The following MALRD1 variants were observed in gnomAD, a reference collection of about 807,000 sequenced individuals.
The protein encoded by MALRD1 is MAM and LDL receptor class A domain containing 1, also known as MAM and LDL-receptor class A domain-containing protein 1.
Under a neutral mutation model 242.1 loss-of-function variants are expected in MALRD1, and 247 were observed. The ratio of observed to expected loss-of-function variants is 1.02; its 90% CI spans 0.92 to 1.13. MALRD1 has a LOEUF of 1.13. MALRD1 is among the 50% of genes most tolerant of loss of function. The probability of loss-of-function intolerance (pLI) is 0.00; values close to 1 mark genes in which losing one functional copy is unlikely to be tolerated. For missense variants in MALRD1, 2,989 were observed against 2,533.1 expected (o/e 1.18, Z -3.86); for synonymous variants, 995 against 866.6 (o/e 1.15, Z -2.60).
At chr10:19,085,486 A>T (rs1481842386) in intron 2 of MALRD1, among the ~76,000 whole-genome samples, 1 of 151,998 alleles carries the variant, frequency 6.6e-6, no homozygotes, top group African/African-American at 2.4e-5. Flanking sequence ...TTTTTTCCCC[A>T]TACAAAGAAA....
At position 19,165,633 on chromosome 10, in the gene MALRD1, A is replaced by G. The variant is rs1356799836; in HGVS notation, c.1657-4A>G. 7 of 1,231,044 alleles carry G rather than the reference A, an allele frequency of 5.7e-6. No individual in the cohort carries two copies. The highest frequency in any genetic ancestry group is 7.1e-6 in the Non-Finnish European group (7 of 987,386). 76.3% of individuals were successfully genotyped at this position (1,231,044 alleles called of 1,614,324 possible). On this transcript the variant is annotated splice_region_variant and splice_polypyrimidine_tract_variant and intron_variant, in intron 12 of 39. Coordinates refer to ENST00000454679, the MANE Select transcript of MALRD1 (RefSeq NM_001142308.3). ...TTATATCATTGAAAACATGTTTTCA[A>G]CAGGTGCAGTTTTGGTATCATTTGT... is the stretch of plus-strand genomic sequence containing the variant.
At chr10:19,676,796 G>A (rs1237669184) in intron 36 of MALRD1, among the ~76,000 whole-genome samples, 4 of 152,046 alleles carry the variant, frequency 2.6e-5, no homozygotes, top group South Asian at 2.1e-4. Flanking sequence ...CCTGGCATGC[G>A]TTAGCTGTTT....
At chr10:19,671,822 CA>C (rs1841934192) in intron 36 of MALRD1, among the ~76,000 whole-genome samples, 3 of 152,020 alleles carry the variant, frequency 2.0e-5, no homozygotes, top group Admixed American at 6.6e-5. Flanking sequence ...TGGGATGGGG[CA>C]AAATCACTTG....
chr10:19,531,983 C>T (rs1479853238), intron 32 of MALRD1, among the ~76,000 whole-genome samples: 1 of 152,114 alleles, frequency 6.6e-6, no homozygotes, highest in Non-Finnish European at 1.5e-5. Flanking sequence ...TTACAATTAT[C>T]CAATCCTGTT....
intron 17 of MALRD1, among the ~76,000 whole-genome samples, chr10:19,208,675 G>C (rs1301700982): frequency 6.6e-6 from 1 of 152,162 alleles, no homozygotes; most frequent in Non-Finnish European, 1.5e-5. Context: ...TAATAAGCTA[G>C]TATCTGTTTC....
intron 27 of MALRD1, 109 bp downstream of exon 27, chr10:19,387,882 T>C: frequency 7.5e-7 from 1 of 1,339,346 alleles, no homozygotes; most frequent in Non-Finnish European, 1.0e-6. Context: ...CACGATGGTA[T>C]TGCAAGGCGA....
intron 5 of MALRD1, among the ~76,000 whole-genome samples, chr10:19,105,748 T>C (rs754994312): frequency 2.0e-5 from 3 of 152,056 alleles, no homozygotes; most frequent in African/African-American, 7.2e-5. Context: ...GATATCACAT[T>C]GTGGTTTTAA....
intron 2 of MALRD1, among the ~76,000 whole-genome samples, chr10:19,070,522 T>C (rs1298072019): frequency 1.3e-5 from 2 of 152,162 alleles, no homozygotes; most frequent in Non-Finnish European, 2.9e-5. Context: ...AATTCTAAAA[T>C]TTTTAATAGG....
intron 29 of MALRD1, among the ~76,000 whole-genome samples, chr10:19,487,706 C>T (rs963440368): frequency 2.0e-5 from 3 of 152,128 alleles, no homozygotes; most frequent in South Asian, 4.1e-4. Context: ...TGTAAATTCT[C>T]GCTAGTGTTA....
chr10:19,722,593 A>T (rs1236776955), intron 38 of MALRD1: 58 of 51,656 alleles, frequency 1.1e-3, no homozygotes, highest in African/African-American at 2.0e-3. Flanking sequence ...ATGTCTCTAA[A>T]AAAAAAAAAA....
chr10:19,437,899 A>G (rs1834418305), intron 28 of MALRD1, among the ~76,000 whole-genome samples: 1 of 152,134 alleles, frequency 6.6e-6, no homozygotes, highest in African/African-American at 2.4e-5. Flanking sequence ...TAATAGACCC[A>G]GTTCTTTACA....
chr10:19,426,802 C>G (rs1160117517), intron 28 of MALRD1, among the ~76,000 whole-genome samples: 1 of 152,210 alleles, frequency 6.6e-6, no homozygotes, highest in East Asian at 1.9e-4. Flanking sequence ...AACAAACAAA[C>G]AAAAACATTC....
intron 12 of MALRD1, 123 bp from the exon 13 acceptor site, chr10:19,165,514 C>G: frequency 1.5e-6 from 1 of 680,882 alleles, no homozygotes; most frequent in Non-Finnish European, 2.0e-6. Flanking sequence ...GCCTGTAATC[C>G]CAGCACTTTG....
intron 31 of MALRD1, among the ~76,000 whole-genome samples, chr10:19,529,724 A>G (rs1267486472): frequency 1.3e-5 from 2 of 152,134 alleles, no homozygotes; most frequent in Non-Finnish European, 2.9e-5. Flanking sequence ...ATTGTCAGTA[A>G]GAAACCTACA....
At chr10:19,402,908 T>C (rs974966755) in intron 28 of MALRD1, among the ~76,000 whole-genome samples, 2 of 152,178 alleles carry the variant, frequency 1.3e-5, no homozygotes, top group African/African-American at 4.8e-5. Context: ...TTCTGCGTCT[T>C]GTCACTTACT....
intron 4 of MALRD1, 35 bp downstream of exon 4, chr10:19,088,220 A>T: frequency 8.1e-7 from 1 of 1,230,114 alleles, no homozygotes; most frequent in Non-Finnish European, 1.0e-6. Flanking sequence ...ATGGCCTTGA[A>T]GAAAAATAAG....
intron 26 of MALRD1, among the ~76,000 whole-genome samples, chr10:19,355,251 A>G (rs1844568430): frequency 6.6e-6 from 1 of 152,150 alleles, no homozygotes; most frequent in Non-Finnish European, 1.5e-5. Flanking sequence ...AGATATTACA[A>G]AGGAAATAGA....
rs1325928919 is a variant in MALRD1 at position 19,284,620 on chromosome 10, A to C, written c.3419+1439A>C. ...GGCTGCGTAGTATTCCATGGTGTAT[A>C]TGTGCCACATTTTCTTAATCCAGTC... On this transcript the variant is annotated intron_variant, in intron 21 of 39. Transcript: ENST00000454679. Among the ~76,000 whole-genome samples the C allele has an allele frequency of 3.3e-5, 5 of 149,366 alleles. No homozygotes were observed. In the East Asian group the frequency reaches 1.0e-3, roughly 30 times the overall value.
intron 32 of MALRD1, among the ~76,000 whole-genome samples, chr10:19,539,373 C>T (rs1401421265): frequency 2.0e-5 from 3 of 152,068 alleles, no homozygotes; most frequent in Non-Finnish European, 2.9e-5. Context: ...AACTAGAGGG[C>T]TATTTATGAC....
Sources: gnomAD v4.1 joint callset for allele counts (sites outside exome capture counted in the v4.1 genomes callset) on GRCh38, gnomAD v4.1.1 for gene constraint, MANE v1.5 for transcripts, NCBI Gene and HGNC (gene_info 2026-07-23, HGNC 2026-07-21) for gene names.